The following CADPS variants were observed in gnomAD, a reference collection of about 807,000 sequenced individuals.
CADPS encodes the protein calcium-dependent secretion activator 1.
CADPS carries 57 observed loss-of-function variants against 167.3 expected under a neutral mutation model. The observed-to-expected ratio is 0.34, with a 90% CI of 0.28 to 0.42. The LOEUF is 0.42. Ranked by LOEUF, CADPS falls within the 20% of genes least tolerant of loss-of-function variation. The pLI is 1.00. For synonymous variants in CADPS, 676 were observed against 635.3 expected (o/e 1.06, Z -0.96); for missense variants, 1,414 against 1,738.1 (o/e 0.81, Z 3.32).
At chr3:62,692,372 A>C (rs1334639257) in intron 3 of CADPS, among the ~76,000 whole-genome samples, 1 of 92,416 alleles carries the variant, frequency 1.1e-5, no homozygotes, top group Non-Finnish European at 2.1e-5. Flanking sequence ...TGCCTTGCAC[A>C]CTTATGAGTA....
In CADPS at chr3:62,650,977, G is replaced by A. The variant is rs768044590; in HGVS notation, c.1073C>T (p.Pro358Leu). 3.1e-6 allele frequency: 5 copies of A among 1,613,990 alleles called. No individual in the cohort carries two copies. The highest frequency in any genetic ancestry group is 4.2e-6 in the Non-Finnish European group (5 of 1,179,916). Reference protein sequence around the residue: ...NLLMANLESMPVSKGGEFKLQ... With the variant: ...NLLMANLESMLVSKGGEFKLQ... The stretch of plus-strand genomic sequence containing the variant: ...CTTGAACTCCCCGCCTTTGGATACC[G>A]GCATGCTCTCCAAGTTGGCCATGAG... Residue 358 changes from proline to leucine, a missense_variant, in exon 5 of 30, where the codon CCG (proline) becomes CTG (leucine). Transcript: ENST00000383710.
At position 62,874,497 on chromosome 3, in the gene CADPS, T is replaced by TC; in HGVS notation, c.441+91dup. On this transcript the variant is annotated intron_variant, in intron 1 of 29. Transcript: ENST00000383710. This position sits in a 1 kb window ranked among gnomAD's most constrained non-coding sequence, Gnocchi z 7.1. ...GCGCGGTCTCCACCTCTCCTGCTCC[T>TC]CCTCGCCAGCTGCGCCGCCAGCTCC... is the stretch of plus-strand genomic sequence containing the variant. The TC allele has an allele frequency of 2.0e-6, 2 of 1,010,386 alleles. No homozygotes were observed. The highest frequency in any genetic ancestry group is 2.9e-6 in the Non-Finnish European group (2 of 678,956). 62.6% of individuals were successfully genotyped at this position (1,010,386 alleles called of 1,614,324 possible). A position where few individuals can be genotyped will look rare whatever the true frequency, so the allele number is the denominator to read the frequency against.
chr3:62,645,866 T>G lies in CADPS; in HGVS notation c.1204-23A>C, dbSNP rs772558590. ...CACCTGAAAAGAGAATTCCACATAATGGAGGTTATTGGCAAGGCCCCTGGC... is the reference window on the plus strand; with the variant it reads ...CACCTGAAAAGAGAATTCCACATAAGGGAGGTTATTGGCAAGGCCCCTGGC... On this transcript the variant is annotated intron_variant, in intron 5 of 29. Transcript: ENST00000383710. 20 of 1,613,494 alleles carry G rather than the reference T, an allele frequency of 1.2e-5. No homozygotes were observed. In the South Asian group the frequency reaches 2.0e-4, roughly 16 times the overall value.
chr3:62,738,551 C>T (rs904225613), intron 3 of CADPS, among the ~76,000 whole-genome samples: 1 of 151,952 alleles, frequency 6.6e-6, no homozygotes, highest in Non-Finnish European at 1.5e-5. Flanking sequence ...TGGTGAAACC[C>T]CGTCTCTACT....
chr3:62,686,544 G>C (rs1563836926), intron 3 of CADPS, among the ~76,000 whole-genome samples: 1 of 151,984 alleles, frequency 6.6e-6, no homozygotes, highest in Non-Finnish European at 1.5e-5. Flanking sequence ...TACACTACAA[G>C]TGATGATATA....
chr3:62,545,378 C>A (rs993489187), intron 11 of CADPS, among the ~76,000 whole-genome samples: 1 of 152,096 alleles, frequency 6.6e-6, no homozygotes, highest in African/African-American at 2.4e-5. Flanking sequence ...AGATTGACAT[C>A]ATTTCCAAGG....
At chr3:62,608,244 A>G (rs1562842580) in intron 6 of CADPS, among the ~76,000 whole-genome samples, 1 of 152,080 alleles carries the variant, frequency 6.6e-6, no homozygotes, top group Non-Finnish European at 1.5e-5. Flanking sequence ...ATCTTTGAAA[A>G]AAAAATACCA....
intron 10 of CADPS, among the ~76,000 whole-genome samples, chr3:62,551,761 C>T (rs1041189597): frequency 6.6e-6 from 1 of 152,160 alleles, no homozygotes; most frequent in African/African-American, 2.4e-5. Flanking sequence ...ATGTGCTCAC[C>T]TCAGTACCTT....
At chr3:62,541,302 C>A (rs2075650492) in intron 11 of CADPS, among the ~76,000 whole-genome samples, 1 of 152,138 alleles carries the variant, frequency 6.6e-6, no homozygotes, top group Non-Finnish European at 1.5e-5. Flanking sequence ...ATTTTATAGG[C>A]TCTGCAGCTA....
chr3:62,729,265 C>T (rs767945538), intron 3 of CADPS, among the ~76,000 whole-genome samples: 25 of 151,940 alleles, frequency 1.6e-4, no homozygotes, highest in South Asian at 1.0e-3. Context: ...CATGATCACC[C>T]TCATAATGGA....
At chr3:62,689,816 G>C (rs990059488) in intron 3 of CADPS, among the ~76,000 whole-genome samples, 1 of 151,986 alleles carries the variant, frequency 6.6e-6, no homozygotes, top group African/African-American at 2.4e-5. Flanking sequence ...GAAAGAAGTA[G>C]CTCCTGAGAT....
At chr3:62,409,370 C>T (rs1256003468) in intron 28 of CADPS, among the ~76,000 whole-genome samples, 2 of 152,232 alleles carry the variant, frequency 1.3e-5, no homozygotes, top group African/African-American at 2.4e-5. Flanking sequence ...TAGGACAACG[C>T]TGTTGAAACT....
At chr3:62,846,555 C>T (rs514606) in intron 1 of CADPS, among the ~76,000 whole-genome samples, 126,680 of 152,196 alleles carry the variant, frequency 0.83, 52,909 homozygotes, top group Middle Eastern at 0.9. Context: ...ACATGATAAA[C>T]GCTTGATTCT....
intron 12 of CADPS, among the ~76,000 whole-genome samples, chr3:62,535,849 C>T (rs908728993): frequency 4.0e-4 from 60 of 151,822 alleles, no homozygotes; most frequent in African/African-American, 1.4e-3. Flanking sequence ...AATATTGATA[C>T]TCCTGCTGGA....
intron 3 of CADPS, among the ~76,000 whole-genome samples, chr3:62,721,680 T>A (rs1382559026): frequency 3.3e-5 from 5 of 152,246 alleles, no homozygotes; most frequent in African/African-American, 1.2e-4. Flanking sequence ...TTTCAGTTAA[T>A]AATCATTTAA....
At chr3:62,599,926 T>C (rs1213262712) in intron 6 of CADPS, among the ~76,000 whole-genome samples, 1 of 101,274 alleles carries the variant, frequency 9.9e-6, no homozygotes, top group Non-Finnish European at 1.8e-5. Flanking sequence ...TACAATATAT[T>C]ATATATATAA....
intron 3 of CADPS, among the ~76,000 whole-genome samples, chr3:62,723,946 G>A (rs568004976): frequency 2.8e-4 from 42 of 152,332 alleles, no homozygotes; most frequent in Admixed American, 1.4e-3. Flanking sequence ...TGGAGGAAGA[G>A]CACTGGGTGG....
intron 3 of CADPS, among the ~76,000 whole-genome samples, chr3:62,698,926 T>A (rs2080887541): frequency 6.6e-6 from 1 of 151,280 alleles, no homozygotes; most frequent in Admixed American, 6.6e-5. Context: ...AATTTCTGAC[T>A]GATAATAATT....
chr3:62,693,360 G>A (rs1580561037), intron 3 of CADPS, among the ~76,000 whole-genome samples: 2 of 152,212 alleles, frequency 1.3e-5, no homozygotes, highest in Admixed American at 6.5e-5. Flanking sequence ...GACAAGGACA[G>A]GGACAGCATC....
Sources: gnomAD v4.1 joint callset for allele counts (sites outside exome capture counted in the v4.1 genomes callset) on GRCh38, gnomAD v4.1.1 for gene constraint, Gnocchi (gnomAD v3.1) non-coding constraint, MANE v1.5 for transcripts, NCBI Gene and HGNC (gene_info 2026-07-23, HGNC 2026-07-21) for gene names.